BNC2: variants seen among roughly 807,000 people sequenced by gnomAD.
BNC2 encodes zinc finger protein basonuclin-2.
A neutral mutation model predicts 76.3 loss-of-function variants in BNC2; 20 were observed. That is an observed-to-expected ratio of 0.26 (90% CI 0.18 to 0.38). The LOEUF is 0.38. Ranked by LOEUF, BNC2 falls within the 10% of genes least tolerant of loss-of-function variation. The pLI, the probability that BNC2 is intolerant of heterozygous loss-of-function variation, is 1.00. For synonymous variants in BNC2, 582 were observed against 514.8 expected, an observed-to-expected ratio of 1.13 and a Z score of -1.77; for missense variants, 1,382 against 1,399.8, an observed-to-expected ratio of 0.99 and a Z score of 0.20.
chr9:16,426,972 G>C (rs1462407863), intron 6 of BNC2, among the ~76,000 whole-genome samples: 1 of 152,208 alleles, frequency 6.6e-6, no homozygotes, highest in South Asian at 2.1e-4. Context: ...AGAGAGCAAA[G>C]TGATCTAAAG....
At chr9:16,749,466 C>T (rs898080947) in intron 1 of BNC2, among the ~76,000 whole-genome samples, 5 of 152,058 alleles carry the variant, frequency 3.3e-5, no homozygotes, top group Admixed American at 1.3e-4. Context: ...GAGACCAGGG[C>T]GGGAAAGTCA....
chr9:16,806,751 A>C (rs1817924066), intron 1 of BNC2, among the ~76,000 whole-genome samples: 3 of 152,200 alleles, frequency 2.0e-5, no homozygotes, highest in Non-Finnish European at 4.4e-5. Flanking sequence ...ATGGGTTCAA[A>C]ACATGTTTTA....
intron 5 of BNC2, among the ~76,000 whole-genome samples, chr9:16,511,742 T>C (rs917919039): frequency 6.6e-6 from 1 of 152,082 alleles, no homozygotes; most frequent in African/African-American, 2.4e-5. Context: ...ATAAATATAC[T>C]CTTAACCTAA....
intron 5 of BNC2, among the ~76,000 whole-genome samples, chr9:16,468,699 G>T (rs1821750583): frequency 6.6e-6 from 1 of 152,076 alleles, no homozygotes; most frequent in African/African-American, 2.4e-5. Context: ...ACTATATGCA[G>T]TATCTTGAAT....
intron 1 of BNC2, among the ~76,000 whole-genome samples, chr9:16,856,141 C>G (rs974489575): frequency 9.9e-5 from 15 of 151,976 alleles, no homozygotes; most frequent in African/African-American, 3.6e-4. Flanking sequence ...ATGGTAAACC[C>G]TGCCCTTCCC....
intron 3 of BNC2, chr9:16,665,079 C>T (rs1444598442): frequency 2.2e-6 from 1 of 456,054 alleles, no homozygotes; most frequent in Non-Finnish European, 4.4e-6. Flanking sequence ...GAAATCATAG[C>T]AACTTTCAGC....
chr9:16,689,401 C>A (rs772499077), intron 3 of BNC2, among the ~76,000 whole-genome samples: 4 of 152,094 alleles, frequency 2.6e-5, no homozygotes, highest in Non-Finnish European at 4.4e-5. Flanking sequence ...CCTGCAGAGC[C>A]AGGGTCCACT....
chr9:16,737,256 T>C (rs1024512923), intron 2 of BNC2, among the ~76,000 whole-genome samples: 5 of 141,708 alleles, frequency 3.5e-5, no homozygotes, highest in East Asian at 2.1e-4. Context: ...TTTTTTTTTT[T>C]TTTTTTCTTT....
Position 16,619,829 on chromosome 9 carries a change from G to A in BNC2, c.331-36744C>T, listed in dbSNP as rs149017979. Among the ~76,000 whole-genome samples, 537 of 152,198 alleles carry A rather than the reference G, an allele frequency of 3.5e-3. 6 individuals carry two copies. The highest frequency in any genetic ancestry group is 0.011 in the African/African-American group (466 of 41,528). ...CACTGAAAAATGTGACAAAATGCAT[G>A]GGGGAAAGGGGATTTTAAAAAAGAA... On this transcript the variant is annotated intron_variant, in intron 3 of 6. Coordinates refer to ENST00000380672, the MANE Select transcript of BNC2 (RefSeq NM_017637.6).
At chr9:16,589,444 C>T (rs1362882823) in intron 3 of BNC2, among the ~76,000 whole-genome samples, 1 of 152,002 alleles carries the variant, frequency 6.6e-6, no homozygotes, top group Non-Finnish European at 1.5e-5. Flanking sequence ...CCTCAGCCTC[C>T]CAAAGTGCTG....
At chr9:16,668,950 G>A (rs73645842) in intron 3 of BNC2, among the ~76,000 whole-genome samples, 1 of 152,116 alleles carries the variant, frequency 6.6e-6, no homozygotes, top group East Asian at 1.9e-4. Context: ...CTGTATGTGA[G>A]TAAGTTGACG....
intron 3 of BNC2, among the ~76,000 whole-genome samples, chr9:16,670,684 T>C (rs905969482): frequency 3.9e-5 from 6 of 152,220 alleles, no homozygotes; most frequent in African/African-American, 4.8e-5. Flanking sequence ...GATAAAATTA[T>C]TGAAGGAAAT....
intron 1 of BNC2, among the ~76,000 whole-genome samples, chr9:16,801,348 T>G (rs1001660043): frequency 6.6e-6 from 1 of 152,026 alleles, no homozygotes; most frequent in African/African-American, 2.4e-5. Flanking sequence ...TGGGTTCAAG[T>G]GATTCTCCTG....
At chr9:16,829,104 G>T (rs547844063) in intron 1 of BNC2, among the ~76,000 whole-genome samples, 22 of 152,150 alleles carry the variant, frequency 1.4e-4, no homozygotes, top group Non-Finnish European at 2.9e-4. Context: ...CGACTGTTCC[G>T]CCCGCGTCCC....
intron 1 of BNC2, among the ~76,000 whole-genome samples, chr9:16,842,750 AT>A (rs1041027284): frequency 6.6e-6 from 1 of 150,844 alleles, no homozygotes; most frequent in Non-Finnish European, 1.5e-5. Flanking sequence ...AACTTATTTT[AT>A]TTTTGTTTTG....
intron 3 of BNC2, among the ~76,000 whole-genome samples, chr9:16,665,468 AAGAAAGAAAGAAAGAAAGAAAG>A (rs1371520917): frequency 1.6e-4 from 20 of 124,680 alleles, no homozygotes; most frequent in South Asian, 7.1e-4. Flanking sequence ...GAAAGAAAGA[AAGAAAGAAAGAAAGAAAGAAAG>A]AGAGAGAGAG....
chr9:16,646,474 A>G (rs1821629023), intron 3 of BNC2, among the ~76,000 whole-genome samples: 1 of 152,206 alleles, frequency 6.6e-6, no homozygotes, highest in African/African-American at 2.4e-5. Flanking sequence ...AGAAAAACAA[A>G]CAAAAAAAGC....
intron 1 of BNC2, among the ~76,000 whole-genome samples, chr9:16,848,737 C>G: frequency 6.6e-6 from 1 of 152,202 alleles, no homozygotes; most frequent in East Asian, 1.9e-4. Flanking sequence ...GTTTGACCCT[C>G]AAGTTTACAG....
rs1818014055 is a variant in BNC2 at position 16,810,289 on chromosome 9, G to C, written c.3+60357C>G. On this transcript the variant is annotated intron_variant, in intron 1 of 6. Transcript: ENST00000380672. ...TATTTTCTCCCCGTTCATTTACCTT[G>C]GCAGGGGTGGGGCTAGAAGCTGAGG... Among the ~76,000 whole-genome samples, 2 of 152,138 alleles carry C rather than the reference G, an allele frequency of 1.3e-5. 1 individual carries two copies. The highest frequency in any genetic ancestry group is 4.1e-4 in the South Asian group (2 of 4,826).
Sources: allele counts gnomAD v4.1 joint callset (sites outside exome capture counted in the v4.1 genomes callset), GRCh38; gene constraint gnomAD v4.1.1; transcripts MANE v1.5; gene names NCBI Gene and HGNC (gene_info 2026-07-23, HGNC 2026-07-21).